The following PRPF8 variants were observed in gnomAD, a reference collection of about 807,000 sequenced individuals.
The protein encoded by PRPF8 is pre-mRNA processing factor 8, also known as pre-mRNA-processing-splicing factor 8.
Under a neutral mutation model 285.9 loss-of-function variants are expected in PRPF8, and 64 were observed. The observed-to-expected ratio is 0.22, with a 90% CI of 0.18 to 0.28. The LOEUF (loss-of-function observed/expected upper bound fraction) is 0.28. Ranked by LOEUF, PRPF8 falls within the 10% of genes least tolerant of loss-of-function variation. The pLI is 1.00. For missense variants in PRPF8, 1,426 were observed against 3,026.7 expected, an observed-to-expected ratio of 0.47 and a Z score of 12.41; for synonymous variants, 1,325 against 1,118.2, an observed-to-expected ratio of 1.18 and a Z score of -3.69.
chr17:1,655,924 C>A lies in PRPF8; in HGVS notation c.5794-381G>T, dbSNP rs549396879. Among the ~76,000 whole-genome samples, 31 of 119,500 alleles carry A rather than the reference C, an allele frequency of 2.6e-4. No individual in the cohort carries two copies. The East Asian group carries it at 5.5e-3, about 21-fold the overall frequency. 78.4% of individuals were successfully genotyped at this position (119,500 alleles called of 152,430 possible). ...ACAGGCGTGAGCCACTGCGCCCGGC[C>A]TTTTTTTTTTTTTTTTTAGACAGTC... On this transcript the variant is annotated intron_variant, in intron 36 of 42. Coordinates refer to ENST00000304992, the MANE Select transcript of PRPF8 (RefSeq NM_006445.4).
intron 24 of PRPF8, among the ~76,000 whole-genome samples, chr17:1,663,630 A>T (rs900161419): frequency 1.4e-5 from 2 of 145,740 alleles, no homozygotes; most frequent in African/African-American, 5.1e-5. Context: ...AATCGCTTGA[A>T]CTCGGGAGGC....
intron 14 of PRPF8, 30 bp from the exon 15 acceptor site, chr17:1,677,202 A>C: frequency 6.2e-7 from 1 of 1,604,564 alleles, no homozygotes; most frequent in Non-Finnish European, 8.5e-7. Flanking sequence ...AGGGGATTAC[A>C]AGGAAGATTC....
At chr17:1,677,752 G>A in intron 13 of PRPF8, 58 bp from the exon 14 acceptor site, 2 of 1,609,652 alleles carry the variant, frequency 1.2e-6, no homozygotes, top group South Asian at 1.1e-5. Context: ...AACAACAATA[G>A]AAACCTGGGC....
At position 1,675,164 on chromosome 17, in the gene PRPF8, G is replaced by A. The variant is rs762616190; in HGVS notation, c.3048C>T (p.Val1016=). ...ADYMTAKNNV[V]INYKDMNHTN... is the part of the protein sequence containing the mutation. ...GCCTGAGACGCACCTTATAGTTGAT[G>A]ACGACGTTGTTCTTGGCTGTCATGT... Residue 1016 remains valine, a synonymous_variant, in exon 20 of 43, where the codon GTC becomes GTT. Coordinates refer to ENST00000304992, the MANE Select transcript of PRPF8 (RefSeq NM_006445.4). This position sits in a 1 kb window ranked among gnomAD's most constrained non-coding sequence, Gnocchi z 6.0. The A allele has an allele frequency of 2.5e-6, 4 of 1,613,744 alleles. No individual in the cohort carries two copies. The highest frequency in any genetic ancestry group is 3.4e-6 in the Non-Finnish European group (4 of 1,180,052).
rs1411426186 is a variant in PRPF8 at position 1,683,320 on chromosome 17, A to G, written c.269+213T>C. ...AGGGACATCTTATAATATCATCAAC[A>G]GGACAAATTAAAGCACCAGTCCCAG... On this transcript the variant is annotated intron_variant, in intron 3 of 42. Transcript: ENST00000304992. The G allele has an allele frequency of 1.1e-5, 7 of 645,294 alleles. No homozygotes were observed. In the East Asian group the frequency reaches 1.7e-4, roughly 15 times the overall value. The allele number at this position is 645,294 out of a possible 1,614,324, so 40.0% of individuals were successfully genotyped here. A position where few individuals can be genotyped will look rare whatever the true frequency, so the allele number is the denominator to read the frequency against.
At chr17:1,674,944 G>A (rs913026842) in intron 20 of PRPF8, among the ~76,000 whole-genome samples, 2 of 151,824 alleles carry the variant, frequency 1.3e-5, no homozygotes, top group East Asian at 1.9e-4. Context: ...ACTAATTTTT[G>A]TATTTTTTTA....
chr17:1,656,891 T>C (rs534318142), intron 34 of PRPF8, 130 bp from the exon 35 acceptor site: 9 of 880,834 alleles, frequency 1.0e-5, no homozygotes, highest in African/African-American at 6.6e-5. Context: ...GTTAGGCACT[T>C]AGAAGGTACA....
At chr17:1,670,659 A>T (rs908432183) in intron 24 of PRPF8, among the ~76,000 whole-genome samples, 11 of 152,004 alleles carry the variant, frequency 7.2e-5, no homozygotes, top group Non-Finnish European at 1.3e-4. Context: ...GCTAATTTTC[A>T]TATTTTAAGT....
intron 3 of PRPF8, among the ~76,000 whole-genome samples, chr17:1,682,507 C>G (rs1262253790): frequency 6.6e-6 from 1 of 152,168 alleles, no homozygotes. Flanking sequence ...TCCCACAATG[C>G]TGGTATCAGC....
Position 1,650,970 on chromosome 17 carries a change from G to C in PRPF8, c.6854-14C>G. On this transcript the variant is annotated splice_polypyrimidine_tract_variant and intron_variant, in intron 42 of 42. Coordinates refer to ENST00000304992, the MANE Select transcript of PRPF8 (RefSeq NM_006445.4). ...CATGCCGAACACCTTCGGGGAGAAG[G>C]AAACAGCCAATGTTAACAGGGCTCC... 8.1e-6 allele frequency: 13 copies of C among 1,614,168 alleles called. No individual in the cohort carries two copies. Among genetic ancestry groups the C allele is most frequent in the Non-Finnish European group, 1.1e-5 (13 of 1,180,036 alleles).
At chr17:1,678,410 G>A in intron 13 of PRPF8, 108 bp downstream of exon 13, 2 of 1,398,988 alleles carry the variant, frequency 1.4e-6, no homozygotes, top group Non-Finnish European at 2.0e-6. Flanking sequence ...TTGAACTCAG[G>A]AGGCGGAGGT....
chr17:1,658,298 C>T lies in PRPF8; in HGVS notation c.5460G>A (p.Lys1820=). Residue 1820 remains lysine, a synonymous_variant, in exon 34 of 43, where the codon AAG becomes AAA. Transcript: ENST00000304992. The surrounding 1 kb of genome is among the most constrained non-coding windows in gnomAD (Gnocchi z 4.1). ...CCGCCCACACGGACGTGTGGATTATCTTGAGGAACAGCTGCCCTGTGCGTG... is the reference window on the plus strand; with the variant it reads ...CCGCCCACACGGACGTGTGGATTATTTTGAGGAACAGCTGCCCTGTGCGTG... ...FNPRTGQLFL[K]IIHTSVWAGQ... 1 of 1,614,238 alleles carries T rather than the reference C, an allele frequency of 6.2e-7. No individual in the cohort carries two copies. Among genetic ancestry groups the T allele is most frequent in the African/African-American group, 1.3e-5 (1 of 75,064 alleles).
At chr17:1,654,055 C>T (rs372689545) in intron 37 of PRPF8, 39 bp from the exon 38 acceptor site, 56 of 1,613,868 alleles carry the variant, frequency 3.5e-5, no homozygotes, top group Non-Finnish European at 4.7e-5. Context: ...AGGATCCCTT[C>T]CCCTTGGTCA....
At position 1,667,538 on chromosome 17, in the gene PRPF8, CTT is replaced by C. The variant is rs34888623; in HGVS notation, c.3775-5387_3775-5386del. Among the ~76,000 whole-genome samples, 207 of 102,024 alleles carry C rather than the reference CTT, an allele frequency of 2.0e-3. 1 individual carries two copies. The highest frequency in any genetic ancestry group is 9.1e-3 in the African/African-American group (197 of 21,584). 66.9% of individuals were successfully genotyped at this position (102,024 alleles called of 152,430 possible). A position where few individuals can be genotyped will look rare whatever the true frequency, so the allele number is the denominator to read the frequency against. ...GTTATAGAACTTGCCCATGACATAG[CTT>C]TTTTTTTTTTTTTTTTTTTTTGAGA... is the stretch of plus-strand genomic sequence containing the variant. On this transcript the variant is annotated intron_variant, in intron 24 of 42. Transcript: ENST00000304992.
chr17:1,672,273 CTT>C (rs1338921951), intron 24 of PRPF8, among the ~76,000 whole-genome samples: 1 of 152,046 alleles, frequency 6.6e-6, no homozygotes, highest in South Asian at 2.1e-4. Flanking sequence ...AGTAAGGTAA[CTT>C]TTTTTTGTTT....
chr17:1,657,311 G>A (rs1057104567), intron 34 of PRPF8, among the ~76,000 whole-genome samples: 4 of 152,150 alleles, frequency 2.6e-5, no homozygotes, highest in Non-Finnish European at 5.9e-5. Context: ...CAAGAGTTGT[G>A]AGGTAGAGAA....
Position 1,659,306 on chromosome 17 carries a change from G to A in PRPF8, c.5138+51C>T, listed in dbSNP as rs368613763. ...CTCCCAAAGTGCTGGGATTACAGGTGTGAGCCACTGCGCCTGGCCTGAAAA... is the reference window on the plus strand; with the variant it reads ...CTCCCAAAGTGCTGGGATTACAGGTATGAGCCACTGCGCCTGGCCTGAAAA... On this transcript the variant is annotated intron_variant, in intron 32 of 42. Coordinates refer to ENST00000304992, the MANE Select transcript of PRPF8 (RefSeq NM_006445.4). This position sits in a 1 kb window ranked among gnomAD's most constrained non-coding sequence, Gnocchi z 5.1. 2.9e-5 allele frequency: 47 copies of A among 1,603,904 alleles called. No individual in the cohort carries two copies. The African/African-American group carries it at 6.0e-4, about 21-fold the overall frequency.
In PRPF8 at chr17:1,679,849, G is replaced by A; in HGVS notation, c.1099-50C>T. 1.9e-6 allele frequency: 3 copies of A among 1,597,194 alleles called. No individual in the cohort carries two copies. Among genetic ancestry groups the A allele is most frequent in the Non-Finnish European group, 2.6e-6 (3 of 1,164,506 alleles). ...TTTAGCTCCTGCTGAACTAGGCACA[G>A]ACTTAAGATGAGGGAAATTCTCTGG... On this transcript the variant is annotated intron_variant, in intron 8 of 42. Transcript: ENST00000304992. The surrounding 1 kb of genome is among the most constrained non-coding windows in gnomAD (Gnocchi z 4.7).
rs1911199893 is a variant in PRPF8 at position 1,653,674 on chromosome 17, A to G, written c.6237T>C (p.Ser2079=). ...TGGTCCTTAGGTGCAGGTTGGCAGC[A>G]GAGATGGCCCTAAAAACAGGCAGGG... is the stretch of plus-strand genomic sequence containing the variant. The part of the protein sequence containing the change: ...SKTEWRVRAI[S]AANLHLRTNH... The change falls in exon 39 of 43, where the codon TCT becomes TCC. Residue 2079 remains serine (S), a synonymous_variant. Coordinates refer to ENST00000304992, the MANE Select transcript of PRPF8 (RefSeq NM_006445.4). This position sits in a 1 kb window ranked among gnomAD's most constrained non-coding sequence, Gnocchi z 4.9. The G allele has an allele frequency of 6.2e-7, 1 of 1,614,076 alleles. No homozygotes were observed. The highest frequency in any genetic ancestry group is 8.5e-7 in the Non-Finnish European group (1 of 1,180,034).
Sources: gnomAD v4.1 joint callset for allele counts (sites outside exome capture counted in the v4.1 genomes callset) on GRCh38, gnomAD v4.1.1 for gene constraint, Gnocchi (gnomAD v3.1) non-coding constraint, MANE v1.5 for transcripts, NCBI Gene and HGNC (gene_info 2026-07-23, HGNC 2026-07-21) for gene names.